Variants in FLVCR2 observed in about 807,000 individuals in gnomAD.
FLVCR2 encodes the protein choline/ethanolamine transporter FLVCR2.
In FLVCR2, 38 loss-of-function variants were observed where a neutral mutation model predicts 48.9. The ratio of observed to expected loss-of-function variants is 0.78; its 90% CI spans 0.60 to 1.02. The LOEUF (loss-of-function observed/expected upper bound fraction) is 1.02. Among genes scored for constraint, FLVCR2 ranks in the 50% least tolerant of loss-of-function variants. FLVCR2 has a pLI of 0.00. For synonymous variants in FLVCR2, 255 were observed against 257.0 expected (o/e 0.99, Z 0.07); for missense variants, 664 against 663.3 (o/e 1.00, Z -0.01).
intron 1 of FLVCR2, among the ~76,000 whole-genome samples, chr14:75,610,432 C>T (rs1424159032): frequency 4.1e-5 from 6 of 146,440 alleles, no homozygotes; most frequent in Admixed American, 4.1e-4. Context: ...AAAAATAAAA[C>T]ACGGCCTTTG....
chr14:75,612,235 T>A (rs754332428), intron 1 of FLVCR2, among the ~76,000 whole-genome samples: 70 of 152,344 alleles, frequency 4.6e-4, no homozygotes, highest in Non-Finnish European at 8.1e-4. Flanking sequence ...GGATCAATGA[T>A]TGTAGGCTAT....
chr14:75,614,313 G>A (rs1324688177), intron 1 of FLVCR2, among the ~76,000 whole-genome samples: 1 of 152,198 alleles, frequency 6.6e-6, no homozygotes, highest in Non-Finnish European at 1.5e-5. Context: ...ATGTGCAGTG[G>A]CAATGGTGCT....
intron 8 of FLVCR2, 53 bp downstream of exon 8, chr14:75,641,346 T>A: frequency 8.3e-7 from 1 of 1,197,624 alleles, no homozygotes; most frequent in Middle Eastern, 2.0e-4. Context: ...TTTGGGACCC[T>A]AGTGTCTCGA....
chr14:75,582,754 A>C (rs1489416871), intron 1 of FLVCR2, among the ~76,000 whole-genome samples: 1 of 152,190 alleles, frequency 6.6e-6, no homozygotes, highest in Non-Finnish European at 1.5e-5. Context: ...AGGAGTGGCG[A>C]AAGGATTTAG....
chr14:75,640,405 TTGTG>T (rs10562124), intron 6 of FLVCR2, among the ~76,000 whole-genome samples: 113 of 148,130 alleles, frequency 7.6e-4, no homozygotes, highest in Middle Eastern at 6.8e-3. Context: ...ATATGAGTGT[TTGTG>T]TGTGTGTGTG....
At chr14:75,618,424 A>C (rs1000209728) in intron 1 of FLVCR2, among the ~76,000 whole-genome samples, 1 of 152,238 alleles carries the variant, frequency 6.6e-6, no homozygotes, top group Non-Finnish European at 1.5e-5. Flanking sequence ...AATTTTGAAA[A>C]GTATGTTCCA....
chr14:75,603,777 G>A (rs908676145), intron 1 of FLVCR2, among the ~76,000 whole-genome samples: 3 of 152,118 alleles, frequency 2.0e-5, no homozygotes, highest in African/African-American at 7.2e-5. Context: ...GCCCAAAAGC[G>A]ATCACTCCAG....
chr14:75,624,120 G>T lies in FLVCR2; in HGVS notation c.812-492G>T, dbSNP rs187688163. Among the ~76,000 whole-genome samples the T allele has an allele frequency of 8.6e-5, 13 of 151,994 alleles. No individual in the cohort carries two copies. In the East Asian group the frequency reaches 2.5e-3, roughly 30 times the overall value. ...CTCACGCCTGTAATCCCAGCACTAT[G>T]GGGGGCTGAGGCATGCAAATCGCTT... On this transcript the variant is annotated intron_variant, in intron 2 of 9. Coordinates refer to ENST00000238667, the MANE Select transcript of FLVCR2 (RefSeq NM_017791.3).
chr14:75,628,158 AAGCTGG>A (rs1052257553), intron 3 of FLVCR2, among the ~76,000 whole-genome samples: 1 of 152,154 alleles, frequency 6.6e-6, no homozygotes, highest in Non-Finnish European at 1.5e-5. Flanking sequence ...TCTGTCGCCC[AAGCTGG>A]AGTGCAGTGG....
intron 1 of FLVCR2, among the ~76,000 whole-genome samples, chr14:75,594,891 T>A (rs183915761): frequency 9.9e-5 from 15 of 152,216 alleles, no homozygotes; most frequent in Admixed American, 5.2e-4. Flanking sequence ...GCTAATTTTT[T>A]ATTTTTCATA....
intron 1 of FLVCR2, among the ~76,000 whole-genome samples, chr14:75,616,815 A>G (rs2140032862): frequency 6.6e-6 from 1 of 152,332 alleles, no homozygotes; most frequent in East Asian, 1.9e-4. Flanking sequence ...GCTTGGGTCA[A>G]GAGGATAAGC....
chr14:75,579,492 C>A lies in FLVCR2; in HGVS notation c.520C>A (p.Pro174Thr). ...GAWVKLGSLKPHLFPVTVVGQ... is the reference protein window; with the variant it reads ...GAWVKLGSLKTHLFPVTVVGQ... ...CTGGGTGAAGCTGGGCAGCCTGAAG[C>A]CGCATCTCTTTCCGGTCACCGTGGT... is the stretch of plus-strand genomic sequence containing the variant. Residue 174 changes from proline to threonine, a missense_variant, in exon 1 of 10, where the codon CCG becomes ACG. Coordinates refer to ENST00000238667, the MANE Select transcript of FLVCR2 (RefSeq NM_017791.3). 1 of 1,612,918 alleles carries A rather than the reference C, an allele frequency of 6.2e-7. No homozygotes were observed. The highest frequency in any genetic ancestry group is 8.5e-7 in the Non-Finnish European group (1 of 1,179,118).
chr14:75,615,952 G>A (rs1175822424), intron 1 of FLVCR2, among the ~76,000 whole-genome samples: 1 of 144,470 alleles, frequency 6.9e-6, no homozygotes, highest in Non-Finnish European at 1.5e-5. Context: ...GCATGAACCC[G>A]GGAGATGGAG....
chr14:75,617,277 C>T (rs1028604980), intron 1 of FLVCR2, among the ~76,000 whole-genome samples: 1 of 152,184 alleles, frequency 6.6e-6, no homozygotes, highest in Non-Finnish European at 1.5e-5. Flanking sequence ...TTCTCCCTGT[C>T]ACCTAGGGCC....
chr14:75,629,321 T>G (rs1317816352), intron 3 of FLVCR2, among the ~76,000 whole-genome samples: 1 of 152,216 alleles, frequency 6.6e-6, no homozygotes, highest in Non-Finnish European at 1.5e-5. Context: ...CTATTTTTTT[T>G]CAAAATCTGG....
At chr14:75,592,226 T>G (rs1888902764) in intron 1 of FLVCR2, among the ~76,000 whole-genome samples, 1 of 152,060 alleles carries the variant, frequency 6.6e-6, no homozygotes, top group Non-Finnish European at 1.5e-5. Context: ...TAGTACCATG[T>G]GGACATGGAT....
At chr14:75,586,707 G>A (rs761419164) in intron 1 of FLVCR2, among the ~76,000 whole-genome samples, 2 of 151,902 alleles carry the variant, frequency 1.3e-5, no homozygotes, top group Admixed American at 6.6e-5. Context: ...CTTGTACTCC[G>A]GTAATTCTGA....
chr14:75,640,634 A>T (rs564711844), intron 6 of FLVCR2: 1 of 396,324 alleles, frequency 2.5e-6, no homozygotes, highest in South Asian at 2.1e-5. Flanking sequence ...ATAGTCTCTC[A>T]GCTGAAGGTT....
At chr14:75,639,033 G>A (rs933511796) in intron 5 of FLVCR2, among the ~76,000 whole-genome samples, 10 of 152,064 alleles carry the variant, frequency 6.6e-5, no homozygotes, top group African/African-American at 2.2e-4. Flanking sequence ...TGGCCAACAC[G>A]GCAAAACACC....
Sources: gnomAD v4.1 joint callset for allele counts (sites outside exome capture counted in the v4.1 genomes callset) on GRCh38, gnomAD v4.1.1 for gene constraint, MANE v1.5 for transcripts, NCBI Gene and HGNC (gene_info 2026-07-23, HGNC 2026-07-21) for gene names.